TTLL7: variants seen among roughly 807,000 people sequenced by gnomAD.
The protein encoded by TTLL7 is tubulin polyglutamylase TTLL7.
A neutral mutation model predicts 120.2 loss-of-function variants in TTLL7; 53 were observed. The ratio of observed to expected loss-of-function variants is 0.44; its 90% CI spans 0.35 to 0.55. The LOEUF (loss-of-function observed/expected upper bound fraction) is 0.55, where lower values mean the gene tolerates loss of function less well. Ranked by LOEUF, TTLL7 falls within the 20% of genes least tolerant of loss-of-function variation. TTLL7 has a pLI of 0.00. For missense variants in TTLL7, 803 were observed against 1,054.7 expected (o/e 0.76, Z 3.31); for synonymous variants, 353 against 351.7 (o/e 1.00, Z -0.04).
At chr1:83,910,650 C>T (rs1293657020) in intron 15 of TTLL7, among the ~76,000 whole-genome samples, 1 of 152,056 alleles carries the variant, frequency 6.6e-6, no homozygotes, top group Non-Finnish European at 1.5e-5. Context: ...GCATCATAAG[C>T]CCTGACTTAA....
Position 83,906,336 on chromosome 1 carries a change from A to G in TTLL7, c.2120T>C (p.Ile707Thr), listed in dbSNP as rs745568160. The G allele has an allele frequency of 6.2e-7, 1 of 1,611,878 alleles. No individual in the cohort carries two copies. The highest frequency in any genetic ancestry group is 8.5e-7 in the Non-Finnish European group (1 of 1,178,648). Residue 707 changes from isoleucine to threonine, a missense_variant, in exon 17 of 21, where the codon ATA (isoleucine) becomes ACA (threonine). Ile to Thr is a moderately conservative substitution (Grantham distance 89). This residue lies in a region of TTLL7 where 388 missense variants were observed against 450.4 expected (regional missense o/e 0.86). Transcript: ENST00000260505. ...GATACATCACATACTCACATCTTCT[A>G]TCAGAAGTTCTGATTCTGCATCTGA... is the stretch of plus-strand genomic sequence containing the variant. ...GKSDAESELL[I>T]EDIIDNWKYH...
At chr1:83,897,235 A>G (rs74094990) in intron 18 of TTLL7, among the ~76,000 whole-genome samples, 3,010 of 152,142 alleles carry the variant, frequency 0.02, 102 homozygotes, top group African/African-American at 0.067. Context: ...AGTGGTATAT[A>G]TATTTCCATA....
At chr1:83,995,074 TA>T (rs1162294611) in intron 1 of TTLL7, among the ~76,000 whole-genome samples, 1 of 152,154 alleles carries the variant, frequency 6.6e-6, no homozygotes, top group Non-Finnish European at 1.5e-5. Context: ...CTCTCCTCAG[TA>T]ACACCAACTG....
At chr1:83,958,710 C>T (rs1649749879) in intron 1 of TTLL7, among the ~76,000 whole-genome samples, 1 of 152,134 alleles carries the variant, frequency 6.6e-6, no homozygotes, top group Non-Finnish European at 1.5e-5. Context: ...GTAAATGAAA[C>T]ATGCCACTTT....
At chr1:83,973,769 G>C (rs1048265763) in intron 1 of TTLL7, among the ~76,000 whole-genome samples, 37 of 151,946 alleles carry the variant, frequency 2.4e-4, no homozygotes, top group South Asian at 8.3e-4. Flanking sequence ...TCCTTATATA[G>C]ATCTTATACA....
chr1:83,890,688 TG>T (rs1369832453), intron 18 of TTLL7, among the ~76,000 whole-genome samples: 2 of 141,072 alleles, frequency 1.4e-5, no homozygotes, highest in African/African-American at 2.5e-5. Context: ...ATGTGAAGAC[TG>T]CTTGAGCTCA....
At chr1:83,911,795 G>T (rs1415121676) in intron 14 of TTLL7, among the ~76,000 whole-genome samples, 1 of 151,826 alleles carries the variant, frequency 6.6e-6, no homozygotes, top group East Asian at 1.9e-4. Flanking sequence ...GTGTATGCAT[G>T]TGCACGTGCA....
At chr1:83,909,810 GCCA>G (rs1316957688) in intron 15 of TTLL7, among the ~76,000 whole-genome samples, 2 of 152,050 alleles carry the variant, frequency 1.3e-5, no homozygotes, top group East Asian at 1.9e-4. Flanking sequence ...ATCAGTTCAT[GCCA>G]TTAGGGAGGT....
At chr1:83,944,669 C>T (rs1648304205) in intron 6 of TTLL7, among the ~76,000 whole-genome samples, 2 of 152,194 alleles carry the variant, frequency 1.3e-5, no homozygotes, top group South Asian at 4.1e-4. Context: ...GATCATGCCA[C>T]TGCACTCCAG....
intron 1 of TTLL7, among the ~76,000 whole-genome samples, chr1:83,971,949 C>T (rs1041157881): frequency 6.6e-6 from 1 of 151,974 alleles, no homozygotes; most frequent in African/African-American, 2.4e-5. Context: ...TATTTAAATA[C>T]TTAATTTTTA....
chr1:83,883,632 T>G (rs1654717684), intron 19 of TTLL7, among the ~76,000 whole-genome samples: 2 of 152,048 alleles, frequency 1.3e-5, no homozygotes, highest in South Asian at 4.1e-4. Flanking sequence ...TCTTAAAAAA[T>G]GGAGTTACTC....
At chr1:83,928,445 AT>A (rs1189356797) in intron 10 of TTLL7, among the ~76,000 whole-genome samples, 1 of 152,180 alleles carries the variant, frequency 6.6e-6, no homozygotes, top group Non-Finnish European at 1.5e-5. Context: ...CATCTAAAAA[AT>A]TCATTTTGTA....
At chr1:83,880,770 C>T (rs1475876366) in intron 20 of TTLL7, among the ~76,000 whole-genome samples, 5 of 152,014 alleles carry the variant, frequency 3.3e-5, no homozygotes, top group Non-Finnish European at 5.9e-5. Flanking sequence ...CCAAAAAGAG[C>T]CCGCATCGCC....
chr1:83,881,172 T>C (rs1227714999), intron 20 of TTLL7, among the ~76,000 whole-genome samples: 5 of 151,672 alleles, frequency 3.3e-5, no homozygotes, highest in Non-Finnish European at 7.4e-5. Context: ...ATTCAGGACA[T>C]AGGCATGGGC....
chr1:83,883,290 C>T (rs914919567), intron 19 of TTLL7, among the ~76,000 whole-genome samples, 154 bp from the exon 20 acceptor site: 12 of 152,004 alleles, frequency 7.9e-5, no homozygotes, highest in Middle Eastern at 3.4e-3. Context: ...ATAATAAATA[C>T]AAATCAGGAA....
chr1:83,942,579 C>A lies in TTLL7; in HGVS notation c.607G>T (p.Asp203Tyr). 6.2e-7 allele frequency: 1 copy of A among 1,613,924 alleles called. No homozygotes were observed. Among genetic ancestry groups the A allele is most frequent in the South Asian group, 1.1e-5 (1 of 91,042 alleles). ...GTAACCAGAATATAAATTCGTAAGT[C>A]AAACTTGTAACCTTCCATTAGGAAA... ...KPFLMEGYKF[D>Y]LRIYILVTSC... is the part of the protein sequence containing the mutation. Residue 203 changes from aspartate to tyrosine, a missense_variant, in exon 7 of 21, where the codon GAC (aspartate) becomes TAC (tyrosine). Transcript: ENST00000260505.
intron 20 of TTLL7, among the ~76,000 whole-genome samples, chr1:83,878,054 C>T (rs1215621361): frequency 6.6e-6 from 1 of 151,664 alleles, no homozygotes; most frequent in East Asian, 1.9e-4. Flanking sequence ...TTCTTATGTC[C>T]ATTATAATCT....
At chr1:83,974,890 A>C (rs1207401294) in intron 1 of TTLL7, among the ~76,000 whole-genome samples, 2 of 152,062 alleles carry the variant, frequency 1.3e-5, no homozygotes, top group African/African-American at 4.8e-5. Context: ...TCTGGAGGCC[A>C]ATTCCATAAT....
intron 1 of TTLL7, among the ~76,000 whole-genome samples, chr1:83,991,190 G>C (rs767294232): frequency 3.9e-5 from 6 of 152,154 alleles, no homozygotes; most frequent in Non-Finnish European, 7.4e-5. Flanking sequence ...AGGGGCAGAG[G>C]GTGAAGCTAG....
Sources: allele counts gnomAD v4.1 joint callset (sites outside exome capture counted in the v4.1 genomes callset), GRCh38; gene constraint gnomAD v4.1.1; regional missense constraint gnomAD v4.1.1; transcripts MANE v1.5; gene names NCBI Gene and HGNC (gene_info 2026-07-23, HGNC 2026-07-21).